The following SPAG17 variants were observed in gnomAD, a reference collection of about 807,000 sequenced individuals.
SPAG17 encodes the protein sperm-associated antigen 17.
Under a neutral mutation model 273.6 loss-of-function variants are expected in SPAG17, and 169 were observed. The ratio of observed to expected loss-of-function variants is 0.62; its 90% CI spans 0.55 to 0.70. The LOEUF (loss-of-function observed/expected upper bound fraction) is 0.70. Ranked by LOEUF, SPAG17 falls within the 30% of genes least tolerant of loss-of-function variation. SPAG17 has a pLI of 0.00. For synonymous variants in SPAG17, 825 were observed against 873.2 expected (o/e 0.94, Z 0.97); for missense variants, 2,557 against 2,627.8 (o/e 0.97, Z 0.59).
intron 3 of SPAG17, among the ~76,000 whole-genome samples, chr1:118,131,906 CCA>C (rs1658073889): frequency 6.6e-6 from 1 of 152,130 alleles, no homozygotes; most frequent in African/African-American, 2.4e-5. Flanking sequence ...TTAACTTGGC[CCA>C]CACTTTAAGG....
chr1:118,151,371 T>C lies in SPAG17; in HGVS notation c.88-2A>G. On this transcript the variant is annotated splice_acceptor_variant, in intron 1 of 48. Transcript: ENST00000336338. LOFTEE classifies it high-confidence loss of function. Reference sequence around the variant, plus strand: ...AGCAATGGAGGCCTGCCAATCGTTCTATTAAAAATCAGACGGAATTAGATT... The same window carrying C: ...AGCAATGGAGGCCTGCCAATCGTTCCATTAAAAATCAGACGGAATTAGATT... The C allele has an allele frequency of 1.2e-6, 2 of 1,611,108 alleles. No individual in the cohort carries two copies. The highest frequency in any genetic ancestry group is 1.7e-6 in the Non-Finnish European group (2 of 1,178,222).
chr1:118,118,917 T>G (rs1464794742), intron 3 of SPAG17, among the ~76,000 whole-genome samples: 1 of 152,246 alleles, frequency 6.6e-6, no homozygotes, highest in Non-Finnish European at 1.5e-5. Flanking sequence ...ATCTAATGAT[T>G]TGATCCAACA....
intron 31 of SPAG17, among the ~76,000 whole-genome samples, 199 bp downstream of exon 31, chr1:118,007,845 C>A (rs1273486469): frequency 6.6e-6 from 1 of 152,034 alleles, no homozygotes; most frequent in East Asian, 1.9e-4. Context: ...ACAAGCAGGA[C>A]AATGTTTTTC....
intron 48 of SPAG17, 119 bp downstream of exon 48, chr1:117,963,680 T>A (rs1019509628): frequency 1.1e-6 from 1 of 942,746 alleles, no homozygotes; most frequent in Non-Finnish European, 1.5e-6. Flanking sequence ...AATATTTTCA[T>A]TCATTCAGGC....
At chr1:118,116,566 A>C (rs189913665) in intron 3 of SPAG17, among the ~76,000 whole-genome samples, 217 of 152,292 alleles carry the variant, frequency 1.4e-3, no homozygotes, top group South Asian at 1.2e-3. Flanking sequence ...TTTCCTGACC[A>C]GTCCAGTTGC....
intron 45 of SPAG17, among the ~76,000 whole-genome samples, chr1:117,971,353 TA>T (rs1214868270): frequency 6.6e-6 from 1 of 152,238 alleles, no homozygotes; most frequent in African/African-American, 2.4e-5. Context: ...TGGCCTCTGC[TA>T]GCTGACAAGA....
At chr1:117,960,812 TTG>T (rs1482776610) in intron 48 of SPAG17, 1 of 152,246 alleles carries the variant, frequency 6.6e-6, no homozygotes, top group Non-Finnish European at 1.5e-5. Context: ...TGATCTGTAT[TTG>T]TGTGTGTTAA....
intron 48 of SPAG17, chr1:117,956,983 A>T: frequency 8.1e-7 from 1 of 1,239,112 alleles, no homozygotes; most frequent in Non-Finnish European, 1.1e-6. Flanking sequence ...CAGTAGAAAA[A>T]ATAATAAAGG....
intron 4 of SPAG17, among the ~76,000 whole-genome samples, chr1:118,105,376 T>C (rs577926600): frequency 6.6e-6 from 1 of 152,240 alleles, no homozygotes; most frequent in African/African-American, 2.4e-5. Context: ...ATGAAATCAG[T>C]CTGTTTAATT....
chr1:118,087,382 A>G (rs935109983), intron 10 of SPAG17, among the ~76,000 whole-genome samples: 23 of 152,082 alleles, frequency 1.5e-4, no homozygotes, highest in Non-Finnish European at 2.9e-4. Flanking sequence ...GATTCATTAA[A>G]TATTTATTAA....
chr1:118,149,525 A>G (rs1046391627), intron 3 of SPAG17, among the ~76,000 whole-genome samples: 1 of 152,232 alleles, frequency 6.6e-6, no homozygotes, highest in African/African-American at 2.4e-5. Flanking sequence ...TATAAAAAAG[A>G]GACAAAGTAT....
chr1:118,071,945 C>T (rs562635949), intron 17 of SPAG17, among the ~76,000 whole-genome samples: 1 of 152,034 alleles, frequency 6.6e-6, no homozygotes, highest in South Asian at 2.1e-4. Flanking sequence ...AATATAAATA[C>T]AGGAATTTCT....
chr1:118,063,910 C>T (rs540100902), intron 18 of SPAG17, among the ~76,000 whole-genome samples: 1 of 152,118 alleles, frequency 6.6e-6, no homozygotes, highest in East Asian at 1.9e-4. Flanking sequence ...ACAACCCCAT[C>T]AAAAAGTGGG....
intron 20 of SPAG17, among the ~76,000 whole-genome samples, chr1:118,042,670 G>A (rs926862537): frequency 6.6e-6 from 1 of 152,112 alleles, no homozygotes; most frequent in Non-Finnish European, 1.5e-5. Context: ...GTTATGACAG[G>A]AAATATCCTC....
At chr1:117,976,942 C>T (rs1655205262) in intron 43 of SPAG17, among the ~76,000 whole-genome samples, 1 of 152,166 alleles carries the variant, frequency 6.6e-6, no homozygotes, top group Non-Finnish European at 1.5e-5. Context: ...CAAATAAAAA[C>T]TCTCTTATTT....
chr1:118,134,882 C>T (rs533674397), intron 3 of SPAG17, among the ~76,000 whole-genome samples: 121 of 152,282 alleles, frequency 7.9e-4, no homozygotes, highest in African/African-American at 2.7e-3. Flanking sequence ...CTTCTTCATT[C>T]AGCTTTCAAG....
At position 118,118,382 on chromosome 1, in the gene SPAG17, G is replaced by T. The variant is rs376376511; in HGVS notation, c.316-2941C>A. On this transcript the variant is annotated intron_variant, in intron 3 of 48. Transcript: ENST00000336338. ...TATAGGGGGGATGAGAGACATAAGA[G>T]AACATGTGAGCAGCGAGCTGGCAGT... 2.0e-4 allele frequency among the ~76,000 whole-genome samples: 31 copies of T among 152,304 alleles called. No individual in the cohort carries two copies. The East Asian group carries it at 3.3e-3, about 16-fold the overall frequency.
In SPAG17 at chr1:118,008,068, A is replaced by C; in HGVS notation, c.4563T>G (p.Ile1521Met). The change falls in exon 31 of 49, where the codon ATT becomes ATG. Residue 1521 changes from isoleucine (I) to methionine (M), a missense_variant. Ile to Met is a conservative substitution (Grantham distance 10). Transcript: ENST00000336338. Reference sequence around the variant, plus strand: ...CCTGGTATGTTCCCTGTGGCTTTGCAATAATAGTTGTTCCATCTCCAAAGG... The same window carrying C: ...CCTGGTATGTTCCCTGTGGCTTTGCCATAATAGTTGTTCCATCTCCAAAGG... ...CATFGDGTTI[I>M]AKPQGTYQVL... is the part of the protein sequence containing the mutation. 1 of 1,613,974 alleles carries C rather than the reference A, an allele frequency of 6.2e-7. No individual in the cohort carries two copies. Among genetic ancestry groups the C allele is most frequent in the Non-Finnish European group, 8.5e-7 (1 of 1,179,922 alleles).
chr1:118,150,924 T>G (rs555475423), intron 2 of SPAG17, among the ~76,000 whole-genome samples: 9 of 152,332 alleles, frequency 5.9e-5, no homozygotes, highest in Non-Finnish European at 1.2e-4. Context: ...GAATCTTAAA[T>G]AGTCTAGTCT....
Sources: allele counts gnomAD v4.1 joint callset (sites outside exome capture counted in the v4.1 genomes callset), GRCh38; gene constraint gnomAD v4.1.1; transcripts MANE v1.5; gene names NCBI Gene and HGNC (gene_info 2026-07-23, HGNC 2026-07-21).